MMAA: variants seen among roughly 807,000 people sequenced by gnomAD.
MMAA encodes the protein methylmalonic aciduria type A protein, mitochondrial.
In MMAA, 41 loss-of-function variants were observed where a neutral mutation model predicts 45.0. The ratio of observed to expected loss-of-function variants is 0.91; its 90% CI spans 0.71 to 1.18. The LOEUF is 1.18. MMAA is among the 50% of genes most tolerant of loss of function. The pLI is 0.00. For synonymous variants in MMAA, 154 were observed against 178.2 expected, an observed-to-expected ratio of 0.86 and a Z score of 1.08; for missense variants, 460 against 495.7, an observed-to-expected ratio of 0.93 and a Z score of 0.68.
chr4:145,625,571 C>A, intron 1 of MMAA: 1 of 766,044 alleles, frequency 1.3e-6, no homozygotes, highest in Non-Finnish European at 2.4e-6. Context: ...TTTTGAGAGA[C>A]CTAAATATGG....
intron 3 of MMAA, among the ~76,000 whole-genome samples, chr4:145,643,560 T>C (rs1727844849): frequency 6.6e-6 from 1 of 152,230 alleles, no homozygotes; most frequent in Non-Finnish European, 1.5e-5. Flanking sequence ...ACCCCATTCC[T>C]ATTATCATCC....
chr4:145,645,629 G>A (rs1475657191), intron 3 of MMAA, among the ~76,000 whole-genome samples: 1 of 152,188 alleles, frequency 6.6e-6, no homozygotes, highest in Non-Finnish European at 1.5e-5. Context: ...AAACAAAAAA[G>A]ATGGGACGAA....
intron 4 of MMAA, chr4:145,650,589 C>G (rs1306758557): frequency 1.8e-5 from 3 of 165,086 alleles, no homozygotes; most frequent in African/African-American, 7.2e-5. Context: ...TGTCGTGGCT[C>G]TTGTCCACAG....
At chr4:145,654,164 T>C (rs1386882848) in intron 6 of MMAA, 21 bp downstream of exon 6, 1 of 1,613,866 alleles carries the variant, frequency 6.2e-7, no homozygotes, top group African/African-American at 1.3e-5. Context: ...TTGCATTCTG[T>C]ATCTTTCACT....
chr4:145,654,229 A>G, intron 6 of MMAA, 86 bp downstream of exon 6: 1 of 1,475,762 alleles, frequency 6.8e-7, no homozygotes, highest in Non-Finnish European at 9.5e-7. Context: ...CTAGACATAT[A>G]ATCAATCTTG....
At chr4:145,641,803 CA>C (rs752856518) in intron 2 of MMAA, among the ~76,000 whole-genome samples, 4 of 152,168 alleles carry the variant, frequency 2.6e-5, no homozygotes, top group Non-Finnish European at 5.9e-5. Flanking sequence ...GCCAACTCTC[CA>C]AGTGGGGGAG....
intron 5 of MMAA, among the ~76,000 whole-genome samples, chr4:145,652,173 G>C (rs1459527970): frequency 1.3e-5 from 2 of 152,116 alleles, no homozygotes; most frequent in Non-Finnish European, 2.9e-5. Context: ...CAAAGCTTCT[G>C]TGTCCTCAAG....
chr4:145,624,264 G>A (rs1734150700), intron 1 of MMAA: 3 of 798,956 alleles, frequency 3.8e-6, no homozygotes, highest in South Asian at 2.7e-5. Context: ...GGTCTGGGGG[G>A]AAGTTATATT....
intron 3 of MMAA, among the ~76,000 whole-genome samples, chr4:145,643,789 C>T (rs1021238295): frequency 2.6e-5 from 4 of 151,968 alleles, no homozygotes; most frequent in African/African-American, 9.7e-5. Flanking sequence ...GCCATTCCCC[C>T]ATTTTCACAA....
chr4:145,652,754 C>G (rs898044627), intron 5 of MMAA, among the ~76,000 whole-genome samples: 3 of 151,872 alleles, frequency 2.0e-5, no homozygotes, highest in African/African-American at 7.3e-5. Flanking sequence ...AACAAAAAAA[C>G]CCAGGTATAG....
At position 145,624,177 on chromosome 4, in the gene MMAA, T is replaced by A. The variant is rs551850735; in HGVS notation, c.-66+4770T>A. On this transcript the variant is annotated intron_variant, in intron 1 of 6. Coordinates refer to ENST00000649156, the MANE Select transcript of MMAA (RefSeq NM_172250.3). ...CACTCCTTCACATCTGTAGAGGAGT[T>A]TGATATAACCACTTCTTTTTATCAA... 47 of 907,470 alleles carry A rather than the reference T, an allele frequency of 5.2e-5. No individual in the cohort carries two copies. In the South Asian group the frequency reaches 6.0e-4, roughly 12 times the overall value. 56.2% of individuals were successfully genotyped at this position (907,470 alleles called of 1,614,324 possible). A position where few individuals can be genotyped will look rare whatever the true frequency, so the allele number is the denominator to read the frequency against.
At chr4:145,637,858 C>T (rs1022222332) in intron 1 of MMAA, among the ~76,000 whole-genome samples, 2 of 152,162 alleles carry the variant, frequency 1.3e-5, no homozygotes, top group Non-Finnish European at 2.9e-5. Context: ...TCATTTTGCT[C>T]TCACAACCAC....
At chr4:145,648,382 G>A (rs955645705) in intron 4 of MMAA, among the ~76,000 whole-genome samples, 16 of 152,078 alleles carry the variant, frequency 1.1e-4, no homozygotes, top group African/African-American at 3.9e-4. Flanking sequence ...GCCTGACCTT[G>A]TGATCCGCCC....
intron 4 of MMAA, 111 bp from the exon 5 acceptor site, chr4:145,650,951 C>A: frequency 1.1e-6 from 1 of 916,628 alleles, no homozygotes; most frequent in Non-Finnish European, 1.8e-6. Context: ...ACCAGGTTGA[C>A]TGTGTGACCA....
intron 4 of MMAA, among the ~76,000 whole-genome samples, chr4:145,648,023 ATTTTT>A (rs771723312): frequency 1.5e-5 from 2 of 130,882 alleles, no homozygotes; most frequent in African/African-American, 5.7e-5. Context: ...TGCCCAGCTA[ATTTTT>A]TTTTTTTTTT....
rs374109118 is a variant in MMAA, at chr4:145,639,136, G to A, written c.-4G>A. On this transcript the variant is annotated 5_prime_UTR_variant, in exon 2 of 7. Transcript: ENST00000649156. The stretch of plus-strand genomic sequence containing the variant: ...TGTTTTCTCCAGTTACAAATAAAAC[G>A]AATATGCCCATGCTGCTACCACATC... 31 of 1,613,920 alleles carry A rather than the reference G, an allele frequency of 1.9e-5. No homozygotes were observed. Among genetic ancestry groups the A allele is most frequent in the Non-Finnish European group, 2.5e-5 (30 of 1,180,000 alleles).
chr4:145,622,074 A>G (rs910764063), intron 1 of MMAA, among the ~76,000 whole-genome samples: 3 of 152,218 alleles, frequency 2.0e-5, no homozygotes, highest in Non-Finnish European at 4.4e-5. Flanking sequence ...GATAACTGAT[A>G]TGGTTTGGCT....
intron 1 of MMAA, among the ~76,000 whole-genome samples, chr4:145,619,699 T>C (rs777437471): frequency 6.6e-6 from 1 of 152,148 alleles, no homozygotes; most frequent in Non-Finnish European, 1.5e-5. Context: ...TTTCTCAGGT[T>C]ATCTCTGAGC....
At chr4:145,622,262 G>T (rs1483116179) in intron 1 of MMAA, among the ~76,000 whole-genome samples, 1 of 152,140 alleles carries the variant, frequency 6.6e-6, no homozygotes, top group African/African-American at 2.4e-5. Flanking sequence ...CCCTACACAA[G>T]CTCTCTCTTT....
Sources: allele counts gnomAD v4.1 joint callset (sites outside exome capture counted in the v4.1 genomes callset), GRCh38; gene constraint gnomAD v4.1.1; transcripts MANE v1.5; gene names NCBI Gene and HGNC (gene_info 2026-07-23, HGNC 2026-07-21).